The following FLII variants were observed in gnomAD, a reference collection of about 807,000 sequenced individuals.
FLII encodes the protein FLII actin remodeling protein, also known as protein flightless-1 homolog.
FLII carries 101 observed loss-of-function variants against 156.2 expected under a neutral mutation model. That is an observed-to-expected ratio of 0.65 (90% CI 0.55 to 0.76). The LOEUF (loss-of-function observed/expected upper bound fraction) is 0.76. Among genes scored for constraint, FLII ranks in the 30% least tolerant of loss-of-function variants. The probability of loss-of-function intolerance (pLI) is 0.00; values close to 1 mark genes in which losing one functional copy is unlikely to be tolerated. For missense variants in FLII, 1,675 were observed against 1,682.8 expected, an observed-to-expected ratio of 1.00 and a Z score of 0.08; for synonymous variants, 767 against 685.8, an observed-to-expected ratio of 1.12 and a Z score of -1.85.
Position 18,250,915 on chromosome 17 carries a change from T to C in FLII, c.1699A>G (p.Asn567Asp). 1 of 1,614,020 alleles carries C rather than the reference T, an allele frequency of 6.2e-7. No homozygotes were observed. Among genetic ancestry groups the C allele is most frequent in the Non-Finnish European group, 8.5e-7 (1 of 1,179,996 alleles). The change falls in exon 14 of 30, where the codon AAC (asparagine) becomes GAC (aspartate). Residue 567 changes from asparagine to aspartate, a missense_variant. Asn to Asp is a conservative substitution (Grantham distance 23). Coordinates refer to ENST00000327031, the MANE Select transcript of FLII (RefSeq NM_002018.4). ...TCAGCACCCAGGTAGTTGCGCAAGTTGACAGCGTGGATGGCAGAGCAAGCT... is the reference window on the plus strand; with the variant it reads ...TCAGCACCCAGGTAGTTGCGCAAGTCGACAGCGTGGATGGCAGAGCAAGCT... The part of the protein sequence containing the change: ...KKACSAIHAV[N>D]LRNYLGAECR...
intron 14 of FLII, 102 bp from the exon 15 acceptor site, chr17:18,249,510 G>GT: frequency 1.2e-6 from 1 of 834,118 alleles, no homozygotes; most frequent in Admixed American, 2.0e-5. Flanking sequence ...GGTGAATTGA[G>GT]TGCTACAAAT....
At chr17:18,250,711 C>A (rs1202030099) in intron 14 of FLII, 127 bp downstream of exon 14, 2 of 1,007,946 alleles carry the variant, frequency 2.0e-6, no homozygotes, top group Non-Finnish European at 2.9e-6. Context: ...ATCGTTGATC[C>A]ACCCCCTTTA....
At chr17:18,251,238 G>T in intron 13 of FLII, 27 bp downstream of exon 13, 1 of 1,606,582 alleles carries the variant, frequency 6.2e-7, no homozygotes, top group Non-Finnish European at 8.5e-7. Flanking sequence ...GGGCCACATG[G>T]CCCCTAACAG....
chr17:18,256,732 C>A, intron 2 of FLII, 135 bp from the exon 3 acceptor site: 1 of 842,170 alleles, frequency 1.2e-6, no homozygotes, highest in South Asian at 1.6e-5. Context: ...TTCCCTCCCT[C>A]ACTCACCCGG....
chr17:18,246,308 C>T lies in FLII; in HGVS notation c.3206G>A (p.Arg1069Gln). The change falls in exon 24 of 30, where the codon CGG becomes CAG. Residue 1069 changes from arginine (R) to glutamine (Q), a missense_variant and splice_region_variant. Arg to Gln is a conservative substitution (Grantham distance 43, BLOSUM62 1). Coordinates refer to ENST00000327031, the MANE Select transcript of FLII (RefSeq NM_002018.4). Reference sequence around the variant, plus strand: ...ACTGCGTCCTCCCCCAGCCAGGCACCGGGTGCAGAGGGCGCTGCCGTTGGT... The same window carrying T: ...ACTGCGTCCTCCCCCAGCCAGGCACTGGGTGCAGAGGGCGCTGCCGTTGGT... ...IRTNGSALCT[R>Q]CIQINTDSSL... 3 of 1,613,806 alleles carry T rather than the reference C, an allele frequency of 1.9e-6. No individual in the cohort carries two copies. Among genetic ancestry groups the T allele is most frequent in the African/African-American group, 1.3e-5 (1 of 75,050 alleles).
At chr17:18,252,167 A>G in intron 10 of FLII, 21 bp from the exon 11 acceptor site, 1 of 1,606,098 alleles carries the variant, frequency 6.2e-7, no homozygotes, top group Non-Finnish European at 8.5e-7. Flanking sequence ...GGGTGAGCAG[A>G]GCCGGCACTG....
intron 3 of FLII, among the ~76,000 whole-genome samples, chr17:18,255,511 CT>C (rs1002912122): frequency 6.6e-6 from 1 of 152,172 alleles, no homozygotes; most frequent in Non-Finnish European, 1.5e-5. Context: ...CTCAGGGAAC[CT>C]TTTCTGTTCA....
chr17:18,247,050 C>T lies in FLII; in HGVS notation c.2679G>A (p.Ala893=), dbSNP rs770841742. 2 of 1,612,916 alleles carry T rather than the reference C, an allele frequency of 1.2e-6. No individual in the cohort carries two copies. Among genetic ancestry groups the T allele is most frequent in the East Asian group, 2.2e-5 (1 of 44,852 alleles). The change falls in exon 22 of 30, where the codon GCG becomes GCA. Residue 893 remains alanine (A), a splice_region_variant and synonymous_variant. Transcript: ENST00000327031. Reference sequence around the variant, plus strand: ...CGTTCCACTCCTCCATCAGCTGCTCCGCCTGCAGGTGAGAGGGACCCGCCC... The same window carrying T: ...CGTTCCACTCCTCCATCAGCTGCTCTGCCTGCAGGTGAGAGGGACCCGCCC... ...PRQPPMSLAE[A]EQLMEEWNED...
Position 18,248,812 on chromosome 17 carries a change from G to A in FLII, c.2006C>T (p.Thr669Ile). ...GGTGTCCTTGTACCTGGCCTTGGTG[G>A]TGCTGCTCAGTGTGGCCTGGGCCCC... ...WRGAQATLSS[T>I]TKARLFAEKI... The change falls in exon 17 of 30, where the codon ACC becomes ATC. Residue 669 changes from threonine to isoleucine, a missense_variant. By Grantham distance (89) the Thr-to-Ile change is moderately conservative. This residue lies in a region of FLII where 1,332 missense variants were observed against 1,269.3 expected (regional missense o/e 1.05). Coordinates refer to ENST00000327031, the MANE Select transcript of FLII (RefSeq NM_002018.4). The A allele has an allele frequency of 1.2e-6, 2 of 1,613,932 alleles. No homozygotes were observed. Among genetic ancestry groups the A allele is most frequent in the Non-Finnish European group, 1.7e-6 (2 of 1,179,940 alleles).
intron 12 of FLII, 21 bp downstream of exon 12, chr17:18,251,659 C>T (rs771926847): frequency 1.2e-6 from 2 of 1,613,792 alleles, no homozygotes; most frequent in Non-Finnish European, 8.5e-7. Flanking sequence ...CCTGCCTTGT[C>T]CCAACCCTGG....
intron 4 of FLII, 27 bp from the exon 5 acceptor site, chr17:18,254,881 C>A: frequency 6.2e-7 from 1 of 1,610,718 alleles, no homozygotes; most frequent in Non-Finnish European, 8.5e-7. Context: ...AGACCCAGGT[C>A]AGGGGAGTCT....
In FLII at chr17:18,253,605, A is replaced by G. The variant is rs1465388641; in HGVS notation, c.794T>C (p.Ile265Thr). Residue 265 changes from isoleucine to threonine, a missense_variant, in exon 8 of 30, where the codon ATA (isoleucine) becomes ACA (threonine). This residue lies in a region of FLII where 343 missense variants were observed against 413.5 expected (regional missense o/e 0.83). Transcript: ENST00000327031. ...SNQITELSLC[I>T]DQWVHVETLN... ...AGTTTCCACGTGCACCCACTGGTCTATGCACAGGGACAGCTCCGTGATCTG... is the reference window on the plus strand; with the variant it reads ...AGTTTCCACGTGCACCCACTGGTCTGTGCACAGGGACAGCTCCGTGATCTG... The G allele has an allele frequency of 6.8e-6, 11 of 1,614,078 alleles. No individual in the cohort carries two copies. The highest frequency in any genetic ancestry group is 9.3e-6 in the Non-Finnish European group (11 of 1,180,026).
intron 7 of FLII, 36 bp from the exon 8 acceptor site, chr17:18,253,755 A>C (rs761361421): frequency 6.4e-7 from 1 of 1,551,744 alleles, no homozygotes; most frequent in Non-Finnish European, 8.7e-7. Flanking sequence ...GCTGGGGCCC[A>C]TACACCAGGT....
Position 18,246,148 on chromosome 17 carries a change from A to C in FLII, c.3267+14T>G. 6.2e-7 allele frequency: 1 copy of C among 1,614,028 alleles called. No individual in the cohort carries two copies. Among genetic ancestry groups the C allele is most frequent in the Non-Finnish European group, 8.5e-7 (1 of 1,179,978 alleles). The stretch of plus-strand genomic sequence containing the variant: ...CTTGGTCCACGGAGTCCTGGCTCAC[A>C]CCCACAACCCCACCTTGAGGATGAA... On this transcript the variant is annotated intron_variant, in intron 25 of 29. Transcript: ENST00000327031.
intron 9 of FLII, 21 bp from the exon 10 acceptor site, chr17:18,252,577 A>G (rs1273695314): frequency 1.9e-6 from 3 of 1,603,986 alleles, no homozygotes; most frequent in Non-Finnish European, 2.6e-6. Context: ...AGGGCCAGCC[A>G]GGGCCTCAGG....
chr17:18,247,822 G>T lies in FLII; in HGVS notation c.2322C>A (p.Cys774Ter). Residue 774 changes from cysteine (C) to a stop codon, truncating the protein, a stop_gained, in exon 20 of 30, where the codon TGC becomes TGA. Coordinates refer to ENST00000327031, the MANE Select transcript of FLII (RefSeq NM_002018.4). LOFTEE classifies it high-confidence loss of function. ...RLLQSLLDTR[C>*]VYILDCWSDV... ...CGGACCAACAGTCCAGAATGTACAC[G>T]CAGCGCGTGTCCAGCAGACTCTGCA... 2 of 1,613,472 alleles carry T rather than the reference G, an allele frequency of 1.2e-6. No individual in the cohort carries two copies. Among genetic ancestry groups the T allele is most frequent in the Non-Finnish European group, 1.7e-6 (2 of 1,180,004 alleles).
chr17:18,245,323 C>G, intron 29 of FLII, 31 bp downstream of exon 29: 1 of 1,613,906 alleles, frequency 6.2e-7, no homozygotes, highest in Non-Finnish European at 8.5e-7. Context: ...TGCCCACAGG[C>G]CCACCTCGGC....
In FLII at chr17:18,251,685, G is replaced by C; in HGVS notation, c.1378C>G (p.Gln460Glu). The C allele has an allele frequency of 6.2e-7, 1 of 1,613,992 alleles. No individual in the cohort carries two copies. Among genetic ancestry groups the C allele is most frequent in the Non-Finnish European group, 8.5e-7 (1 of 1,180,026 alleles). ...CCAACCCTGGCCTGGCTCACCTCCTGCTTTTTGTTCTTCTCCTGGGCAACA... is the reference window on the plus strand; with the variant it reads ...CCAACCCTGGCCTGGCTCACCTCCTCCTTTTTGTTCTTCTCCTGGGCAACA... ...SDVAQEKNKK[Q>E]EESADARAPS... Residue 460 changes from glutamine (Q) to glutamate (E), a missense_variant, in exon 12 of 30, where the codon CAG (glutamine) becomes GAG (glutamate). By Grantham distance (29) the Gln-to-Glu change is conservative. Transcript: ENST00000327031.
Position 18,248,690 on chromosome 17 carries a change from G to C in FLII, c.2050C>G (p.Arg684Gly), listed in dbSNP as rs753107056. ...AGTGTGATCTCAGCCTTCCCTTTCCGCTCATTCTTGTTAATTTTCTCTGCA... is the reference window on the plus strand; with the variant it reads ...AGTGTGATCTCAGCCTTCCCTTTCCCCTCATTCTTGTTAATTTTCTCTGCA... Reference protein sequence around the residue: ...LFAEKINKNERKGKAEITLLV... With the variant: ...LFAEKINKNEGKGKAEITLLV... The change falls in exon 18 of 30, where the codon CGG (arginine) becomes GGG (glycine). Residue 684 changes from arginine to glycine, a missense_variant. Coordinates refer to ENST00000327031, the MANE Select transcript of FLII (RefSeq NM_002018.4). The C allele has an allele frequency of 3.7e-6, 6 of 1,613,562 alleles. No homozygotes were observed. Among genetic ancestry groups the C allele is most frequent in the Non-Finnish European group, 5.1e-6 (6 of 1,179,718 alleles).
Sources: allele counts gnomAD v4.1 joint callset (sites outside exome capture counted in the v4.1 genomes callset), GRCh38; gene constraint gnomAD v4.1.1; regional missense constraint gnomAD v4.1.1; transcripts MANE v1.5; gene names NCBI Gene and HGNC (gene_info 2026-07-23, HGNC 2026-07-21).